LRBA: variants seen among roughly 807,000 people sequenced by gnomAD.
LRBA encodes LPS responsive beige-like anchor protein, also known as lipopolysaccharide-responsive and beige-like anchor protein.
Under a neutral mutation model 330.0 loss-of-function variants are expected in LRBA, and 176 were observed. That is an observed-to-expected ratio of 0.53 (90% CI 0.47 to 0.60). The LOEUF (loss-of-function observed/expected upper bound fraction) is 0.60, where lower values mean the gene tolerates loss of function less well. Among genes scored for constraint, LRBA ranks in the 20% least tolerant of loss-of-function variants. The pLI is 0.00. For synonymous variants in LRBA, 1,230 were observed against 1,193.0 expected, an observed-to-expected ratio of 1.03 and a Z score of -0.64; for missense variants, 3,259 against 3,444.8, an observed-to-expected ratio of 0.95 and a Z score of 1.35.
rs768826674 is a variant in LRBA, at chr4:150,921,285, A to C, written c.558T>G (p.His186Gln). ...TTAACACAGACAGCAACTTCCCAGC[A>C]TGTGGAGGCTATGAAGATAATTAAC... ...LQGDKGRWPP[H>Q]AGKLLSVLKH... Residue 186 changes from histidine (H) to glutamine (Q), a missense_variant, in exon 5 of 57, where the codon CAT becomes CAG. His to Gln is a conservative substitution (Grantham distance 24). Transcript: ENST00000651943. The C allele has an allele frequency of 6.2e-7, 1 of 1,600,708 alleles. No homozygotes were observed. The highest frequency in any genetic ancestry group is 8.6e-7 in the Non-Finnish European group (1 of 1,167,900).
intron 37 of LRBA, among the ~76,000 whole-genome samples, chr4:150,649,569 C>A (rs1479643647): frequency 6.6e-6 from 1 of 152,166 alleles, no homozygotes; most frequent in Non-Finnish European, 1.5e-5. Context: ...AATAGCCCTA[C>A]CCTTCCTAAA....
At chr4:150,790,998 C>A (rs923643371) in intron 34 of LRBA, among the ~76,000 whole-genome samples, 3 of 152,046 alleles carry the variant, frequency 2.0e-5, no homozygotes, top group Non-Finnish European at 4.4e-5. Flanking sequence ...TTTATAAGTA[C>A]GTTCTAAGGA....
In LRBA at chr4:150,683,533, C is replaced by G; in HGVS notation, c.5921+18G>C. On this transcript the variant is annotated intron_variant, in intron 37 of 56. Coordinates refer to ENST00000651943, the MANE Select transcript of LRBA (RefSeq NM_001364905.1). ...TCTACAGAAAATCAGTGGCCAAATC[C>G]TAAAGGTATCCCTTTACCTCACTGC... 1 of 1,605,700 alleles carries G rather than the reference C, an allele frequency of 6.2e-7. No homozygotes were observed.
At chr4:150,661,706 G>T (rs1222907117) in intron 37 of LRBA, among the ~76,000 whole-genome samples, 2 of 151,914 alleles carry the variant, frequency 1.3e-5, no homozygotes, top group African/African-American at 4.8e-5. Flanking sequence ...TGCCTTGAGG[G>T]TTCATGTGAT....
At chr4:150,947,995 AAAG>A (rs1463768845) in intron 2 of LRBA, among the ~76,000 whole-genome samples, 3 of 152,070 alleles carry the variant, frequency 2.0e-5, no homozygotes, top group South Asian at 2.1e-4. Flanking sequence ...GAAAGAAATC[AAAG>A]AAGATCTAAA....
At chr4:150,693,652 A>G (rs1784359700) in intron 36 of LRBA, among the ~76,000 whole-genome samples, 1 of 152,050 alleles carries the variant, frequency 6.6e-6, no homozygotes, top group Admixed American at 6.5e-5. Context: ...ACAAAAGCAA[A>G]TGTCAACCAT....
chr4:150,552,350 A>G (rs1290378326), intron 40 of LRBA, among the ~76,000 whole-genome samples: 1 of 152,162 alleles, frequency 6.6e-6, no homozygotes, highest in Non-Finnish European at 1.5e-5. Context: ...ATCTTGTACA[A>G]TTTCTCAAAA....
intron 2 of LRBA, among the ~76,000 whole-genome samples, chr4:150,978,514 G>T (rs1740464855): frequency 6.6e-6 from 1 of 152,108 alleles, no homozygotes; most frequent in Non-Finnish European, 1.5e-5. Context: ...AGGAAAACAT[G>T]ACCTCACCAA....
intron 37 of LRBA, among the ~76,000 whole-genome samples, chr4:150,616,634 G>C (rs1251640981): frequency 1.3e-5 from 2 of 152,120 alleles, no homozygotes; most frequent in South Asian, 4.1e-4. Flanking sequence ...ACCTTGAAAA[G>C]AACAGCTTCA....
At chr4:150,994,033 C>A (rs1271967211) in intron 2 of LRBA, among the ~76,000 whole-genome samples, 1 of 149,836 alleles carries the variant, frequency 6.7e-6, no homozygotes, top group Non-Finnish European at 1.5e-5. Flanking sequence ...CCACTGCACT[C>A]CAGCCTGGGC....
chr4:150,686,655 A>G (rs1256319696), intron 36 of LRBA, among the ~76,000 whole-genome samples: 5 of 152,182 alleles, frequency 3.3e-5, no homozygotes, highest in Non-Finnish European at 5.9e-5. Context: ...TACTATATCC[A>G]TATCTGTCCT....
At chr4:150,766,576 T>C (rs1735787415) in intron 34 of LRBA, among the ~76,000 whole-genome samples, 1 of 152,202 alleles carries the variant, frequency 6.6e-6, no homozygotes. Context: ...AGGAAGGTGT[T>C]AGTCTAAACA....
At chr4:150,521,922 G>C (rs938500355) in intron 40 of LRBA, among the ~76,000 whole-genome samples, 2 of 152,112 alleles carry the variant, frequency 1.3e-5, no homozygotes, top group Non-Finnish European at 2.9e-5. Flanking sequence ...GTTACTGATA[G>C]AAAAATTTTG....
intron 53 of LRBA, among the ~76,000 whole-genome samples, chr4:150,290,948 T>G (rs1037995004): frequency 6.6e-6 from 1 of 152,174 alleles, no homozygotes; most frequent in Admixed American, 6.5e-5. Context: ...ATTGGACTTA[T>G]GTTTTATTTA....
Position 150,265,557 on chromosome 4 carries a change from C to A in LRBA, c.*165G>T. 1.8e-6 allele frequency: 1 copy of A among 542,260 alleles called. No homozygotes were observed. The highest frequency in any genetic ancestry group is 3.4e-6 in the Non-Finnish European group (1 of 297,308). The allele number at this position is 542,260 out of a possible 1,614,324, so 33.6% of individuals were successfully genotyped here. ...AGTTTTCTGCTTTGCTAATCCCCCC[C>A]AAAAAAGTCAAGCAAAGACTACAAA... is the stretch of plus-strand genomic sequence containing the variant. On this transcript the variant is annotated 3_prime_UTR_variant, in exon 57 of 57. Coordinates refer to ENST00000651943, the MANE Select transcript of LRBA (RefSeq NM_001364905.1).
chr4:150,477,758 C>T (rs1039332107), intron 42 of LRBA, among the ~76,000 whole-genome samples: 7 of 151,836 alleles, frequency 4.6e-5, no homozygotes, highest in African/African-American at 1.2e-4. Flanking sequence ...TGTGTGACAA[C>T]CCCCCTCCCC....
intron 28 of LRBA, among the ~76,000 whole-genome samples, chr4:150,835,923 T>C (rs1328998986): frequency 6.6e-6 from 1 of 152,230 alleles, no homozygotes; most frequent in Non-Finnish European, 1.5e-5. Flanking sequence ...TTCAGTATGA[T>C]ATTGGCTGTG....
At chr4:150,288,470 G>A (rs59545554) in intron 53 of LRBA, among the ~76,000 whole-genome samples, 13,768 of 152,118 alleles carry the variant, frequency 0.091, 920 homozygotes, top group South Asian at 0.23. Context: ...TTAGTTTGGC[G>A]TGGTGGTGTG....
At chr4:150,584,110 G>C (rs781360120) in intron 40 of LRBA, 45 of 1,521,860 alleles carry the variant, frequency 3.0e-5, no homozygotes, top group Non-Finnish European at 3.9e-5. Context: ...CAAACTATAG[G>C]GTGCTGGGGA....
Sources: allele counts gnomAD v4.1 joint callset (sites outside exome capture counted in the v4.1 genomes callset), GRCh38; gene constraint gnomAD v4.1.1; transcripts MANE v1.5; gene names NCBI Gene and HGNC (gene_info 2026-07-23, HGNC 2026-07-21).